The following ANK2 variants were observed in gnomAD, a reference collection of about 807,000 sequenced individuals.
The protein encoded by ANK2 is ankyrin 2.
ANK2 carries 83 observed loss-of-function variants against 360.5 expected under a neutral mutation model. The observed-to-expected ratio is 0.23, with a 90% CI of 0.19 to 0.28. ANK2 has a LOEUF of 0.28. Among genes scored for constraint, ANK2 ranks in the 10% least tolerant of loss-of-function variants. The probability of loss-of-function intolerance (pLI) is 1.00; values close to 1 mark genes in which losing one functional copy is unlikely to be tolerated. For missense variants in ANK2, 4,201 were observed against 4,795.7 expected (o/e 0.88, Z 3.66); for synonymous variants, 1,740 against 1,759.5 (o/e 0.99, Z 0.28).
chr4:113,218,658 T>C (rs182936812), intron 4 of ANK2, among the ~76,000 whole-genome samples: 14 of 152,314 alleles, frequency 9.2e-5, no homozygotes, highest in Middle Eastern at 3.4e-3. Context: ...CCATATCATA[T>C]AGTGTTTTGA....
At chr4:113,198,694 A>C (rs2098785609) in intron 3 of ANK2, among the ~76,000 whole-genome samples, 1 of 152,112 alleles carries the variant, frequency 6.6e-6, no homozygotes, top group Non-Finnish European at 1.5e-5. Flanking sequence ...TTTAGTTGTT[A>C]ATTAAATTGC....
At chr4:113,135,357 T>C (rs1490294143) in intron 1 of ANK2, among the ~76,000 whole-genome samples, 1 of 151,648 alleles carries the variant, frequency 6.6e-6, no homozygotes, top group Non-Finnish European at 1.5e-5. Context: ...GATATCACGG[T>C]CAGGCAGGGA....
intron 2 of ANK2, among the ~76,000 whole-genome samples, chr4:113,184,239 T>C (rs1319559169): frequency 2.0e-5 from 3 of 151,682 alleles, no homozygotes; most frequent in South Asian, 2.1e-4. Flanking sequence ...TGGGAAGTGA[T>C]AGGAGACAGA....
chr4:113,102,528 G>A (rs2093031056), intron 1 of ANK2, among the ~76,000 whole-genome samples: 1 of 152,028 alleles, frequency 6.6e-6, no homozygotes, highest in Non-Finnish European at 1.5e-5. Flanking sequence ...GGAAGCCCCA[G>A]GACAGTTCTG....
chr4:113,086,762 T>C (rs1190359282), intron 1 of ANK2, among the ~76,000 whole-genome samples: 1 of 151,634 alleles, frequency 6.6e-6, no homozygotes, highest in Non-Finnish European at 1.5e-5. Context: ...TTGACTGGAG[T>C]GAACAGAGGA....
At chr4:112,910,830 A>T (rs891614787) in intron 2 of ANK2, among the ~76,000 whole-genome samples, 30 of 152,182 alleles carry the variant, frequency 2.0e-4, no homozygotes, top group African/African-American at 7.2e-4. Flanking sequence ...GTTGAAAGAG[A>T]ATTCTATATT....
chr4:112,963,810 T>C (rs941996287), intron 2 of ANK2, among the ~76,000 whole-genome samples: 1 of 152,036 alleles, frequency 6.6e-6, no homozygotes, highest in African/African-American at 2.4e-5. Context: ...CATCTAACAT[T>C]ATTTTGAAAC....
intron 2 of ANK2, among the ~76,000 whole-genome samples, chr4:113,026,546 G>C (rs1181440226): frequency 6.6e-6 from 1 of 152,174 alleles, no homozygotes; most frequent in African/African-American, 2.4e-5. Flanking sequence ...ACTTTCATTG[G>C]ATTGAATTTT....
In ANK2 at chr4:113,282,887, C is replaced by A; in HGVS notation, c.2079+15C>A. 1 of 1,613,472 alleles carries A rather than the reference C, an allele frequency of 6.2e-7. No individual in the cohort carries two copies. Among genetic ancestry groups the A allele is most frequent in the South Asian group, 1.1e-5 (1 of 91,058 alleles). ...TGTCAACTAAGGTATTCTGTCCTTT[C>A]TTGCATCAATCAAGAGTGTTTTGGA... On this transcript the variant is annotated intron_variant, in intron 18 of 45. Coordinates refer to ENST00000357077, the MANE Select transcript of ANK2 (RefSeq NM_001148.6).
chr4:113,313,886 A>G (rs1404533338), intron 24 of ANK2, among the ~76,000 whole-genome samples: 1 of 152,204 alleles, frequency 6.6e-6, no homozygotes, highest in African/African-American at 2.4e-5. Context: ...ATTGAACTGA[A>G]TAACTAGCTG....
chr4:112,757,146 CTT>C, the ANK2 span, among the ~76,000 whole-genome samples: 2 of 129,784 alleles, frequency 1.5e-5, no homozygotes, highest in African/African-American at 5.8e-5. Flanking sequence ...GAGTTTTGCT[CTT>C]GTCACCCAGG....
At chr4:112,795,506 AT>A in the ANK2 span, among the ~76,000 whole-genome samples, 1 of 151,714 alleles carries the variant, frequency 6.6e-6, no homozygotes, top group East Asian at 1.9e-4. Flanking sequence ...ACTAGATTAA[AT>A]TTTTTTTATT....
chr4:113,205,187 C>G (rs867358222), intron 4 of ANK2, among the ~76,000 whole-genome samples: 59 of 135,060 alleles, frequency 4.4e-4, no homozygotes, highest in Middle Eastern at 4.1e-3. Flanking sequence ...AGTGAGCCGA[C>G]ATCACGCCAC....
At chr4:112,913,063 C>T (rs575736207) in intron 2 of ANK2, among the ~76,000 whole-genome samples, 3 of 151,884 alleles carry the variant, frequency 2.0e-5, no homozygotes, top group Non-Finnish European at 2.9e-5. Flanking sequence ...TACATAGGCT[C>T]GGGATGCCTA....
chr4:112,724,399 T>G, the ANK2 span, among the ~76,000 whole-genome samples: 1 of 152,150 alleles, frequency 6.6e-6, no homozygotes, highest in African/African-American at 2.4e-5. Context: ...TATTGATTCA[T>G]TTGACAAATA....
intron 1 of ANK2, among the ~76,000 whole-genome samples, chr4:112,871,135 T>C (rs1398247287): frequency 3.9e-5 from 6 of 152,174 alleles, no homozygotes; most frequent in Admixed American, 2.6e-4. Context: ...ATAGGACTGA[T>C]ATTTGTATAT....
At chr4:113,220,445 C>G (rs1043855716) in intron 4 of ANK2, among the ~76,000 whole-genome samples, 5 of 152,132 alleles carry the variant, frequency 3.3e-5, no homozygotes, top group African/African-American at 7.2e-5. Context: ...ATACCCACTT[C>G]TATAGCTTGG....
chr4:113,049,942 C>A, intron 1 of ANK2, 130 bp downstream of exon 1: 3 of 1,211,810 alleles, frequency 2.5e-6, no homozygotes, highest in South Asian at 2.6e-5. Flanking sequence ...CAGTGCCAAG[C>A]CTTGCTTTTT....
the ANK2 span, among the ~76,000 whole-genome samples, chr4:112,809,535 TG>T: frequency 7.6e-6 from 1 of 131,466 alleles, no homozygotes; most frequent in Admixed American, 8.3e-5. Context: ...CACTCCAGCC[TG>T]GGCGACAGAG....
Sources: gnomAD v4.1 joint callset for allele counts (sites outside exome capture counted in the v4.1 genomes callset) on GRCh38, gnomAD v4.1.1 for gene constraint, MANE v1.5 for transcripts, NCBI Gene and HGNC (gene_info 2026-07-23, HGNC 2026-07-21) for gene names.